The following NAV2 variants were observed in gnomAD, a reference collection of about 807,000 sequenced individuals.
The protein encoded by NAV2 is neuron navigator 2, also known as helicase, APC down-regulated 1.
NAV2 carries 54 observed loss-of-function variants against 223.2 expected under a neutral mutation model. That is an observed-to-expected ratio of 0.24 (90% CI 0.19 to 0.30). The LOEUF is 0.30. Ranked by LOEUF, NAV2 falls within the 10% of genes least tolerant of loss-of-function variation. NAV2 has a pLI of 1.00. For synonymous variants in NAV2, 1,279 were observed against 1,239.3 expected (o/e 1.03, Z -0.67); for missense variants, 2,806 against 3,147.5 (o/e 0.89, Z 2.60).
chr11:19,727,760 A>G (rs1199123297), intron 1 of NAV2, among the ~76,000 whole-genome samples: 1 of 152,180 alleles, frequency 6.6e-6, no homozygotes, highest in East Asian at 1.9e-4. Flanking sequence ...CTGTCACATG[A>G]TCACTGATGC....
At chr11:19,393,911 T>TTTC (rs1554918442) in intron 1 of NAV2, among the ~76,000 whole-genome samples, 1 of 150,636 alleles carries the variant, frequency 6.6e-6, no homozygotes, top group African/African-American at 2.4e-5. Flanking sequence ...TTTTTCTTTT[T>TTTC]TTTTTTTTAG....
At chr11:19,462,131 A>G (rs1390098805) in intron 1 of NAV2, among the ~76,000 whole-genome samples, 2 of 152,174 alleles carry the variant, frequency 1.3e-5, no homozygotes, top group Admixed American at 6.5e-5. Flanking sequence ...TCTTAATATG[A>G]GTTGTGCTGA....
At chr11:19,572,824 T>C (rs974720497) in intron 1 of NAV2, among the ~76,000 whole-genome samples, 2 of 152,204 alleles carry the variant, frequency 1.3e-5, no homozygotes, top group Non-Finnish European at 2.9e-5. Flanking sequence ...GGTAGGGACT[T>C]GATAAATGAC....
chr11:19,981,795 T>C (rs1360415638), intron 10 of NAV2, among the ~76,000 whole-genome samples: 1 of 152,198 alleles, frequency 6.6e-6, no homozygotes, highest in Non-Finnish European at 1.5e-5. Flanking sequence ...CTACCCTGAG[T>C]CACTCTATCT....
intron 1 of NAV2, among the ~76,000 whole-genome samples, chr11:19,553,405 G>C (rs1040756943): frequency 6.6e-6 from 1 of 152,194 alleles, no homozygotes; most frequent in African/African-American, 2.4e-5. Flanking sequence ...GAAGGAGTAA[G>C]AGAGATATGG....
chr11:19,383,093 A>G (rs1848905494), intron 1 of NAV2, among the ~76,000 whole-genome samples: 1 of 152,208 alleles, frequency 6.6e-6, no homozygotes, highest in Admixed American at 6.5e-5. Context: ...AGGCTTAGGA[A>G]GAAATCCCAT....
chr11:19,726,645 T>C (rs975555176), intron 1 of NAV2, among the ~76,000 whole-genome samples: 1 of 152,250 alleles, frequency 6.6e-6, no homozygotes, highest in Non-Finnish European at 1.5e-5. Flanking sequence ...TCAGATTTTC[T>C]TTTTTATTTT....
intron 37 of NAV2, among the ~76,000 whole-genome samples, chr11:20,116,223 T>C (rs2063078080): frequency 6.6e-6 from 1 of 152,190 alleles, no homozygotes; most frequent in South Asian, 2.1e-4. Context: ...GACAACTGAT[T>C]TACTGTTCTA....
At chr11:19,609,945 C>G (rs1042900278) in intron 1 of NAV2, among the ~76,000 whole-genome samples, 1 of 152,216 alleles carries the variant, frequency 6.6e-6, no homozygotes, top group African/African-American at 2.4e-5. Context: ...CAGAAGTCAA[C>G]TAATCCTCTC....
At chr11:19,487,266 T>A (rs2042473931) in intron 1 of NAV2, among the ~76,000 whole-genome samples, 1 of 152,222 alleles carries the variant, frequency 6.6e-6, no homozygotes, top group Non-Finnish European at 1.5e-5. Context: ...GTTGATTCAG[T>A]GCTGAAAGGC....
At position 20,092,270 on chromosome 11, in the gene NAV2, G is replaced by A; in HGVS notation, c.5717G>A (p.Cys1906Tyr). 1 of 1,614,148 alleles carries A rather than the reference G, an allele frequency of 6.2e-7. No individual in the cohort carries two copies. Among genetic ancestry groups the A allele is most frequent in the Non-Finnish European group, 8.5e-7 (1 of 1,179,990 alleles). Residue 1906 changes from cysteine (C) to tyrosine (Y), a missense_variant, in exon 28 of 38, where the codon TGC becomes TAC. Physicochemically the swap from Cys to Tyr is radical, Grantham distance 194. This residue lies in a region of NAV2 where 824 missense variants were observed against 1,069.4 expected (regional missense o/e 0.77). Transcript: ENST00000349880. The part of the protein sequence containing the change: ...RLKSESQGSG[C>Y]SRAPSQVSIS... Reference sequence around the variant, plus strand: ...AAGTCAGAGTCTCAAGGCAGTGGCTGCAGCCGGGCTCCTTCCCAAGTGTCC... The same window carrying A: ...AAGTCAGAGTCTCAAGGCAGTGGCTACAGCCGGGCTCCTTCCCAAGTGTCC...
intron 1 of NAV2, among the ~76,000 whole-genome samples, chr11:19,593,376 AATATACCACTGATACACACCG>A (rs149876936): frequency 0.046 from 6,976 of 152,188 alleles, 468 homozygotes; most frequent in African/African-American, 0.15. Context: ...ATATGCCACC[AATATACCACTGATACACACCG>A]ATATACCACT....
intron 1 of NAV2, among the ~76,000 whole-genome samples, chr11:19,620,530 T>C (rs974444617): frequency 3.9e-5 from 6 of 152,206 alleles, no homozygotes; most frequent in African/African-American, 1.4e-4. Flanking sequence ...CAATTGTGAA[T>C]GGGCATTCAC....
rs901907392 is a variant in NAV2, at chr11:19,351,027, G to A, written c.75G>A (p.Arg25=). The change falls in exon 1 of 38, where the codon AGG becomes AGA. Residue 25 remains arginine (R), a splice_region_variant and synonymous_variant. Coordinates refer to the NAV2 transcript ENST00000360655. ...TCCACGGACTGGAAGATCAAAAGAGGGTAAGTGGCAGAACTTTGTTGGTTG... is the reference window on the plus strand; with the variant it reads ...TCCACGGACTGGAAGATCAAAAGAGAGTAAGTGGCAGAACTTTGTTGGTTG... 12 of 1,551,116 alleles carry A rather than the reference G, an allele frequency of 7.7e-6. No homozygotes were observed. The African/African-American group carries it at 1.5e-4, about 19-fold the overall frequency.
intron 1 of NAV2, among the ~76,000 whole-genome samples, chr11:19,446,820 C>G (rs1050184863): frequency 6.6e-6 from 1 of 152,136 alleles, no homozygotes; most frequent in Non-Finnish European, 1.5e-5. Context: ...CCATTACAGA[C>G]TGGAGGTCTC....
chr11:19,502,481 A>G (rs1173364319), intron 1 of NAV2, among the ~76,000 whole-genome samples: 4 of 152,288 alleles, frequency 2.6e-5, no homozygotes, highest in South Asian at 2.1e-4. Flanking sequence ...ATAGGTTTTC[A>G]TAGTGCAATT....
chr11:19,736,066 G>A (rs2052264256), intron 1 of NAV2, among the ~76,000 whole-genome samples: 2 of 152,194 alleles, frequency 1.3e-5, no homozygotes, highest in Non-Finnish European at 2.9e-5. Flanking sequence ...AGCTCAAGGG[G>A]CAGAGTGAGG....
At chr11:19,510,358 C>T (rs144229995) in intron 1 of NAV2, among the ~76,000 whole-genome samples, 2 of 152,304 alleles carry the variant, frequency 1.3e-5, no homozygotes, top group Non-Finnish European at 2.9e-5. Flanking sequence ...GTCCTGAAAC[C>T]TACATGAGAG....
chr11:19,625,167 CTTATTTAGCTG>C (rs2047129083), intron 1 of NAV2, among the ~76,000 whole-genome samples: 1 of 152,136 alleles, frequency 6.6e-6, no homozygotes. Context: ...CTTTATTTTT[CTTATTTAGCTG>C]TGATTTTGTA....
Sources: allele counts gnomAD v4.1 joint callset (sites outside exome capture counted in the v4.1 genomes callset), GRCh38; gene constraint gnomAD v4.1.1; regional missense constraint gnomAD v4.1.1; transcripts MANE v1.5; gene names NCBI Gene and HGNC (gene_info 2026-07-23, HGNC 2026-07-21).